Variants in SOCS7 observed in about 807,000 individuals in gnomAD.
SOCS7 encodes suppressor of cytokine signaling 7.
Under a neutral mutation model 58.9 loss-of-function variants are expected in SOCS7, and 18 were observed. That is an observed-to-expected ratio of 0.31 (90% CI 0.21 to 0.45). SOCS7 has a LOEUF of 0.45. Ranked by LOEUF, SOCS7 falls within the 20% of genes least tolerant of loss-of-function variation. The pLI, the probability that SOCS7 is intolerant of heterozygous loss-of-function variation, is 1.00. For synonymous variants in SOCS7, 388 were observed against 364.3 expected (o/e 1.06, Z -0.74); for missense variants, 667 against 837.3 (o/e 0.80, Z 2.51).
chr17:38,361,598 C>T (rs984574764), intron 1 of SOCS7, 113 bp from the exon 2 acceptor site: 23 of 815,778 alleles, frequency 2.8e-5, no homozygotes, highest in South Asian at 8.1e-5. Flanking sequence ...TTGCTGACAA[C>T]GACTAGGGTT....
At chr17:38,367,210 G>A (rs915098129) in intron 5 of SOCS7, among the ~76,000 whole-genome samples, 7 of 149,826 alleles carry the variant, frequency 4.7e-5, no homozygotes, top group East Asian at 2.0e-4. Flanking sequence ...TATTACAGGC[G>A]CCCACCACCA....
chr17:38,352,660 G>T lies in SOCS7; in HGVS notation c.608G>T (p.Ser203Ile), dbSNP rs1177978429. Residue 203 changes from serine (S) to isoleucine (I), a missense_variant, in exon 1 of 10, where the codon AGC becomes ATC. Physicochemically the swap from Ser to Ile is moderately radical, Grantham distance 142. Transcript: ENST00000612932. The surrounding 1 kb of genome is among the most constrained non-coding windows in gnomAD (Gnocchi z 5.5). ...TNSCSEEELS[S>I]PGRGGGGGGR... The stretch of plus-strand genomic sequence containing the variant: ...AGCTGCTCGGAAGAGGAGCTCAGCA[G>T]CCCGGGTCGCGGAGGAGGAGGGGGC... 1.3e-6 allele frequency: 2 copies of T among 1,550,004 alleles called. No homozygotes were observed. Among genetic ancestry groups the T allele is most frequent in the East Asian group, 4.9e-5 (2 of 40,920 alleles).
At position 38,376,259 on chromosome 17, in the gene SOCS7, C is replaced by A. The variant is rs370588439; in HGVS notation, c.1553-1455C>A. 7.2e-5 allele frequency among the ~76,000 whole-genome samples: 11 copies of A among 152,200 alleles called. No homozygotes were observed. In the East Asian group the frequency reaches 1.5e-3, roughly 21 times the overall value. On this transcript the variant is annotated intron_variant, in intron 6 of 9. Transcript: ENST00000612932. ...AACCCTGGACAGAACACCATTCCAT[C>A]GGGGTGCATATACCCACACACCCAC...
chr17:38,377,528 A>G (rs1219084091), intron 6 of SOCS7, among the ~76,000 whole-genome samples, 186 bp from the exon 7 acceptor site: 2 of 152,092 alleles, frequency 1.3e-5, no homozygotes, highest in South Asian at 2.1e-4. Context: ...ATGTCTTACA[A>G]AAGGCAACAT....
At chr17:38,395,534 C>G (rs41396552) in intron 8 of SOCS7, 90 bp downstream of exon 8, 3 of 1,302,290 alleles carry the variant, frequency 2.3e-6, no homozygotes. Context: ...GCTACCTTCA[C>G]AGGCAGAGTC....
chr17:38,360,181 A>C (rs2037697052), intron 1 of SOCS7, among the ~76,000 whole-genome samples: 1 of 150,364 alleles, frequency 6.7e-6, no homozygotes, highest in African/African-American at 2.4e-5. Flanking sequence ...CATAATCAGC[A>C]TGTAACATAT....
chr17:38,364,822 CCCT>C lies in SOCS7; in HGVS notation c.1125_1127del (p.Pro376del). The C allele has an allele frequency of 3.1e-6, 5 of 1,614,002 alleles. No homozygotes were observed. Among genetic ancestry groups the C allele is most frequent in the Non-Finnish European group, 4.2e-6 (5 of 1,179,938 alleles). ...TGACCTCTCCACACCCTCCAACTCC[CCCT>C]CCTCCTCCGAGAAGAAGCCTCAGCC... On this transcript the variant is annotated inframe_deletion, in exon 3 of 10. Transcript: ENST00000612932.
chr17:38,367,758 C>A, intron 5 of SOCS7, 124 bp from the exon 6 acceptor site: 2 of 800,906 alleles, frequency 2.5e-6, no homozygotes, highest in Non-Finnish European at 4.0e-6. Context: ...TTGTAAGTGG[C>A]TTTTACCTAT....
intron 2 of SOCS7, among the ~76,000 whole-genome samples, chr17:38,362,537 C>T (rs1231938151): frequency 6.6e-6 from 1 of 152,182 alleles, no homozygotes; most frequent in East Asian, 1.9e-4. Flanking sequence ...TAAAAAAAAT[C>T]CCAATCTCAA....
Position 38,391,959 on chromosome 17 carries a change from C to T in SOCS7, c.1682-3350C>T, listed in dbSNP as rs147133486. ...CTAACATGGTCTTTGTTGGGAGAAA[C>T]GAAAAATAGTGCATGGCTAGAAACT... On this transcript the variant is annotated intron_variant, in intron 7 of 9. Transcript: ENST00000612932. 1.5e-3 allele frequency among the ~76,000 whole-genome samples: 229 copies of T among 152,166 alleles called. 1 individual carries two copies. Among genetic ancestry groups the T allele is most frequent in the African/African-American group, 5.0e-3 (209 of 41,516 alleles).
At chr17:38,373,653 G>A (rs2037895547) in intron 6 of SOCS7, among the ~76,000 whole-genome samples, 1 of 152,156 alleles carries the variant, frequency 6.6e-6, no homozygotes, top group South Asian at 2.1e-4. Flanking sequence ...TCTGGAGTAA[G>A]GAAGTACCTT....
intron 9 of SOCS7, among the ~76,000 whole-genome samples, chr17:38,398,094 G>A (rs1164886214): frequency 7.9e-5 from 12 of 152,136 alleles, no homozygotes; most frequent in Admixed American, 5.2e-4. Context: ...ATTGGCGAAG[G>A]TTTGAACTGA....
chr17:38,375,943 C>T (rs1373963527), intron 6 of SOCS7: 1 of 152,002 alleles, frequency 6.6e-6, no homozygotes, highest in Non-Finnish European at 1.5e-5. Flanking sequence ...CCTCAGCCTC[C>T]CGAGTAGCTG....
At chr17:38,389,681 C>A in intron 7 of SOCS7, among the ~76,000 whole-genome samples, 1 of 144,084 alleles carries the variant, frequency 6.9e-6, no homozygotes, top group Admixed American at 7.1e-5. Flanking sequence ...TGATGAGTTC[C>A]TATTCCAACT....
At chr17:38,359,728 C>G (rs1490149226) in intron 1 of SOCS7, among the ~76,000 whole-genome samples, 4 of 149,874 alleles carry the variant, frequency 2.7e-5, no homozygotes, top group Non-Finnish European at 5.9e-5. Context: ...TTCTTTAAGT[C>G]TGTTTTACTG....
At chr17:38,395,733 G>T in intron 8 of SOCS7, 115 bp from the exon 9 acceptor site, 1 of 1,071,588 alleles carries the variant, frequency 9.3e-7, no homozygotes, top group Non-Finnish European at 1.4e-6. Context: ...GAGAAAATGG[G>T]GATTGTGTTA....
At chr17:38,375,164 T>A (rs773625361) in intron 6 of SOCS7, among the ~76,000 whole-genome samples, 7 of 152,094 alleles carry the variant, frequency 4.6e-5, no homozygotes, top group Non-Finnish European at 1.0e-4. Context: ...CACTGCACTC[T>A]AGCCTGGGTG....
chr17:38,358,127 A>C (rs2037664139), intron 1 of SOCS7, among the ~76,000 whole-genome samples: 4 of 152,160 alleles, frequency 2.6e-5, no homozygotes, highest in Admixed American at 2.6e-4. Flanking sequence ...CACCTGAAGC[A>C]CAGCCCACCA....
intron 5 of SOCS7, 63 bp downstream of exon 5, chr17:38,366,480 A>G: frequency 3.2e-6 from 5 of 1,575,688 alleles, no homozygotes; most frequent in Non-Finnish European, 4.4e-6. Context: ...CTGTATTCGG[A>G]CACACCTTTA....
Sources: gnomAD v4.1 joint callset for allele counts (sites outside exome capture counted in the v4.1 genomes callset) on GRCh38, gnomAD v4.1.1 for gene constraint, Gnocchi (gnomAD v3.1) non-coding constraint, MANE v1.5 for transcripts, NCBI Gene and HGNC (gene_info 2026-07-23, HGNC 2026-07-21) for gene names.